The following TDRD12 variants were observed in gnomAD, a reference collection of about 807,000 sequenced individuals.
TDRD12 encodes the protein putative ATP-dependent RNA helicase TDRD12.
TDRD12 carries 158 observed loss-of-function variants against 133.5 expected under a neutral mutation model. The ratio of observed to expected loss-of-function variants is 1.18; its 90% CI spans 1.04 to 1.35. The LOEUF is 1.35. Among genes scored for constraint, TDRD12 ranks in the 40% most tolerant of loss-of-function variants. The pLI is 0.00. For missense variants in TDRD12, 1,443 were observed against 1,321.3 expected, an observed-to-expected ratio of 1.09 and a Z score of -1.43; for synonymous variants, 460 against 477.9, an observed-to-expected ratio of 0.96 and a Z score of 0.49.
intron 2 of TDRD12, among the ~76,000 whole-genome samples, chr19:32,733,913 A>G (rs1969140744): frequency 7.0e-6 from 1 of 143,434 alleles, no homozygotes; most frequent in African/African-American, 2.6e-5. Flanking sequence ...TTTTTTTGAG[A>G]CAGAGTCTTG....
At chr19:32,731,925 C>T (rs1024712992) in intron 2 of TDRD12, 42 bp downstream of exon 2, 115 of 1,467,912 alleles carry the variant, frequency 7.8e-5, no homozygotes, top group Non-Finnish European at 9.8e-5. Context: ...TATTGAAACA[C>T]CACTCAAAAT....
chr19:32,815,125 A>G (rs1330118327), intron 25 of TDRD12, among the ~76,000 whole-genome samples: 1 of 151,820 alleles, frequency 6.6e-6, no homozygotes, highest in Non-Finnish European at 1.5e-5. Context: ...AGAAAGATGT[A>G]CGAATTATGC....
chr19:32,743,395 G>A (rs1053072147), intron 4 of TDRD12, among the ~76,000 whole-genome samples: 3 of 46,594 alleles, frequency 6.4e-5, no homozygotes, highest in East Asian at 7.2e-4. Context: ...CCGCCCCTCC[G>A]CTCTCCTCCC....
intron 1 of TDRD12, among the ~76,000 whole-genome samples, chr19:32,725,550 C>G (rs1968831499): frequency 6.6e-6 from 1 of 152,100 alleles, no homozygotes; most frequent in Non-Finnish European, 1.5e-5. Flanking sequence ...TTTCTGAGAT[C>G]TCTATTCTGT....
chr19:32,809,375 G>A (rs1966920246), intron 22 of TDRD12, among the ~76,000 whole-genome samples: 1 of 152,158 alleles, frequency 6.6e-6, no homozygotes, highest in African/African-American at 2.4e-5. Context: ...CTGTTCTCAG[G>A]TCTATTGCTT....
At chr19:32,733,126 TGCGC>T (rs1378466190) in intron 2 of TDRD12, among the ~76,000 whole-genome samples, 1 of 152,084 alleles carries the variant, frequency 6.6e-6, no homozygotes, top group African/African-American at 2.4e-5. Flanking sequence ...AAGCTGTGTT[TGCGC>T]CACTGCACTC....
intron 11 of TDRD12, among the ~76,000 whole-genome samples, chr19:32,781,250 T>G (rs746555817): frequency 6.6e-5 from 10 of 152,172 alleles, no homozygotes; most frequent in Admixed American, 2.6e-4. Flanking sequence ...CCATTTTTAA[T>G]CTATCTTAAA....
intron 2 of TDRD12, among the ~76,000 whole-genome samples, chr19:32,733,245 G>C (rs1969114809): frequency 6.6e-6 from 1 of 152,096 alleles, no homozygotes; most frequent in Non-Finnish European, 1.5e-5. Context: ...GAGGCAGGTG[G>C]ATCACCTGAG....
chr19:32,741,623 G>C (rs953627961), intron 3 of TDRD12, among the ~76,000 whole-genome samples: 4 of 152,172 alleles, frequency 2.6e-5, no homozygotes, highest in African/African-American at 9.7e-5. Context: ...AGAGCTTCAG[G>C]AGACTTCAGG....
chr19:32,790,826 T>C, intron 12 of TDRD12, 138 bp from the exon 13 acceptor site: 2 of 1,463,720 alleles, frequency 1.4e-6, no homozygotes, highest in Non-Finnish European at 1.8e-6. Context: ...GGTTTTTTTT[T>C]TCTTTTTTTT....
At chr19:32,757,160 A>C (rs1970020243) in intron 8 of TDRD12, 30 bp downstream of exon 8, 4 of 1,486,788 alleles carry the variant, frequency 2.7e-6, no homozygotes, top group Non-Finnish European at 3.7e-6. Flanking sequence ...TTTATTTCAT[A>C]GGCAGCATGA....
intron 11 of TDRD12, among the ~76,000 whole-genome samples, chr19:32,778,124 GA>G (rs1366650530): frequency 4.6e-5 from 7 of 151,856 alleles, no homozygotes; most frequent in Non-Finnish European, 8.8e-5. Flanking sequence ...CAGAGGTGGG[GA>G]GGTCCTGCTG....
intron 15 of TDRD12, among the ~76,000 whole-genome samples, 158 bp downstream of exon 15, chr19:32,798,049 C>G (rs11878781): frequency 6.6e-6 from 1 of 152,130 alleles, no homozygotes; most frequent in Non-Finnish European, 1.5e-5. Flanking sequence ...TGTCAGCTCC[C>G]GACGGTTTTG....
At chr19:32,803,217 A>G (rs1687752355) in intron 21 of TDRD12, 75 bp downstream of exon 21, 1 of 1,155,776 alleles carries the variant, frequency 8.7e-7, no homozygotes. Context: ...CAATGTGGTG[A>G]ATTGTCATGT....
chr19:32,827,372 C>CTTTTCTTTTCT (rs61327156), exon 10 of TDRD12: 2,977 of 122,670 alleles, frequency 0.024, 299 homozygotes, highest in African/African-American at 0.14. Context: ...CTTTTCTTTT[C>CTTTTCTTTTCT]TTTTTTTTTT....
chr19:32,815,271 C>A (rs546179968), intron 25 of TDRD12, among the ~76,000 whole-genome samples, 177 bp from the exon 26 acceptor site: 6 of 152,218 alleles, frequency 3.9e-5, no homozygotes, highest in African/African-American at 1.4e-4. Flanking sequence ...TTGGATGGAA[C>A]CTCAGGTAGG....
intron 11 of TDRD12, among the ~76,000 whole-genome samples, chr19:32,780,714 C>T (rs924234852): frequency 2.6e-5 from 4 of 151,982 alleles, no homozygotes; most frequent in Admixed American, 2.6e-4. Flanking sequence ...TGCAGTCACA[C>T]AGCACGGCTG....
rs1967618056 is a variant in TDRD12 at position 32,827,155 on chromosome 19, C to T, written c.1050-9C>T. The T allele has an allele frequency of 8.4e-7, 1 of 1,195,912 alleles. No individual in the cohort carries two copies. Among genetic ancestry groups the T allele is most frequent in the Non-Finnish European group, 1.0e-6 (1 of 955,256 alleles). 74.1% of individuals were successfully genotyped at this position (1,195,912 alleles called of 1,614,324 possible). On this transcript the variant is annotated splice_polypyrimidine_tract_variant and intron_variant, in intron 9 of 9. Coordinates refer to the TDRD12 transcript ENST00000637289. ...TACACTTATTTGTTATAATATCTTACTCCTTTAGTAGTGAATTCTAAAAAC... is the reference window on the plus strand; with the variant it reads ...TACACTTATTTGTTATAATATCTTATTCCTTTAGTAGTGAATTCTAAAAAC...
At chr19:32,756,679 C>A (rs1160661143) in intron 7 of TDRD12, among the ~76,000 whole-genome samples, 1 of 152,118 alleles carries the variant, frequency 6.6e-6, no homozygotes, top group Non-Finnish European at 1.5e-5. Flanking sequence ...TGACACCGCG[C>A]CCGGCCTCAA....
Sources: gnomAD v4.1 joint callset for allele counts (sites outside exome capture counted in the v4.1 genomes callset) on GRCh38, gnomAD v4.1.1 for gene constraint, MANE v1.5 for transcripts, NCBI Gene and HGNC (gene_info 2026-07-23, HGNC 2026-07-21) for gene names.